The following CABLES1 variants were observed in gnomAD, a reference collection of about 807,000 sequenced individuals.
CABLES1 encodes the protein CDK5 and ABL1 enzyme substrate 1.
In CABLES1, 36 loss-of-function variants were observed where a neutral mutation model predicts 57.8. That is an observed-to-expected ratio of 0.62 (90% CI 0.48 to 0.82). CABLES1 has a LOEUF of 0.82. Among genes scored for constraint, CABLES1 ranks in the 40% least tolerant of loss-of-function variants. The pLI, the probability that CABLES1 is intolerant of heterozygous loss-of-function variation, is 0.00. For missense variants in CABLES1, 767 were observed against 836.6 expected, an observed-to-expected ratio of 0.92 and a Z score of 1.03; for synonymous variants, 374 against 363.0, an observed-to-expected ratio of 1.03 and a Z score of -0.35.
chr18:23,243,468 GT>G (rs551293348), intron 7 of CABLES1, among the ~76,000 whole-genome samples: 4,952 of 101,894 alleles, frequency 0.049, 76 homozygotes, highest in East Asian at 0.13. Context: ...TGGGTTTGGT[GT>G]TTTTTTTTTT....
chr18:23,216,198 G>T (rs2047440823), intron 4 of CABLES1, among the ~76,000 whole-genome samples: 1 of 152,150 alleles, frequency 6.6e-6, no homozygotes, highest in South Asian at 2.1e-4. Flanking sequence ...CCAAGGTCTG[G>T]GGTAGGGTAG....
At chr18:23,185,060 C>T (rs931287119) in intron 1 of CABLES1, among the ~76,000 whole-genome samples, 1 of 152,194 alleles carries the variant, frequency 6.6e-6, no homozygotes, top group Admixed American at 6.5e-5. Flanking sequence ...TGTTCAGCTC[C>T]TGAGGGGAAT....
At chr18:23,209,587 G>A (rs2047388957) in intron 3 of CABLES1, among the ~76,000 whole-genome samples, 1 of 152,142 alleles carries the variant, frequency 6.6e-6, no homozygotes, top group African/African-American at 2.4e-5. Flanking sequence ...TATTCACCCC[G>A]CCGTTACTGC....
chr18:23,230,367 A>G (rs1019825630), intron 4 of CABLES1, among the ~76,000 whole-genome samples: 2 of 152,220 alleles, frequency 1.3e-5, no homozygotes, highest in African/African-American at 2.4e-5. Context: ...GCAAGACTCC[A>G]TCTCAAAACA....
At chr18:23,143,343 G>A (rs2046869238) in intron 1 of CABLES1, among the ~76,000 whole-genome samples, 1 of 152,114 alleles carries the variant, frequency 6.6e-6, no homozygotes, top group Non-Finnish European at 1.5e-5. Context: ...TGACTCACCT[G>A]GTACATTACA....
chr18:23,234,118 T>C (rs1156736932), intron 4 of CABLES1, among the ~76,000 whole-genome samples: 1 of 152,148 alleles, frequency 6.6e-6, no homozygotes, highest in Non-Finnish European at 1.5e-5. Flanking sequence ...CTCAGGAGGC[T>C]GAGGCAGAAG....
chr18:23,240,037 G>A (rs535735178), intron 7 of CABLES1, among the ~76,000 whole-genome samples: 18 of 152,320 alleles, frequency 1.2e-4, no homozygotes, highest in East Asian at 1.2e-3. Context: ...AGAATTGCTT[G>A]AACCCAGGAG....
chr18:23,221,267 CAG>C (rs746304870), intron 4 of CABLES1, among the ~76,000 whole-genome samples: 20 of 152,354 alleles, frequency 1.3e-4, no homozygotes, highest in Non-Finnish European at 2.4e-4. Context: ...GTTTGATTTA[CAG>C]AGTTTGCTTG....
At chr18:23,205,181 C>CA (rs2047353989) in intron 3 of CABLES1, among the ~76,000 whole-genome samples, 1 of 81,188 alleles carries the variant, frequency 1.2e-5, no homozygotes, top group African/African-American at 5.1e-5. Context: ...TCATTCCTGA[C>CA]TTTTTTTTTT....
intron 7 of CABLES1, among the ~76,000 whole-genome samples, chr18:23,245,444 G>A (rs1228014674): frequency 6.6e-6 from 1 of 150,574 alleles, no homozygotes; most frequent in Non-Finnish European, 1.5e-5. Flanking sequence ...CCGGGAGGCG[G>A]AAGTTGCAGT....
Position 23,135,876 on chromosome 18 carries a change from G to C in CABLES1, c.114G>C (p.Gln38His). The C allele has an allele frequency of 9.6e-7, 1 of 1,041,894 alleles. No individual in the cohort carries two copies. The highest frequency in any genetic ancestry group is 1.1e-6 in the Non-Finnish European group (1 of 870,346). 64.5% of individuals were successfully genotyped at this position (1,041,894 alleles called of 1,614,324 possible). A position where few individuals can be genotyped will look rare whatever the true frequency, so the allele number is the denominator to read the frequency against. ...LQQPPPQPQP[Q>H]PAAAAPAQPP... ...AGCCGCCGCCGCAGCCCCAGCCTCA[G>C]CCCGCGGCCGCCGCGCCGGCCCAGC... Residue 38 changes from glutamine to histidine, a missense_variant, in exon 1 of 10, where the codon CAG becomes CAC. Gln to His is a conservative substitution (Grantham distance 24). Around this residue, in one of 4 missense-constraint regions of CABLES1, gnomAD observed 198 missense variants for 149.7 expected, o/e 1.32. Transcript: ENST00000256925.
intron 1 of CABLES1, among the ~76,000 whole-genome samples, chr18:23,142,931 G>A (rs2046866822): frequency 6.6e-6 from 1 of 152,134 alleles, no homozygotes; most frequent in Non-Finnish European, 1.5e-5. Context: ...ATGGGACTGA[G>A]TTCATACCTA....
At chr18:23,169,756 A>C (rs953619883) in intron 1 of CABLES1, among the ~76,000 whole-genome samples, 5 of 152,228 alleles carry the variant, frequency 3.3e-5, no homozygotes, top group Admixed American at 1.3e-4. Flanking sequence ...CCTTTGAAAC[A>C]AGCTTCTGGA....
chr18:23,203,654 T>G (rs1598827890), intron 3 of CABLES1, among the ~76,000 whole-genome samples: 2 of 152,268 alleles, frequency 1.3e-5, no homozygotes, highest in East Asian at 3.9e-4. Flanking sequence ...AGTTCCAAGC[T>G]GTCGGCCTAA....
rs759407060 is a variant in CABLES1 at position 23,136,411 on chromosome 18, G to T, written c.649G>T (p.Val217Leu). 3 of 1,598,390 alleles carry T rather than the reference G, an allele frequency of 1.9e-6. No homozygotes were observed. The highest frequency in any genetic ancestry group is 2.2e-5 in the South Asian group (2 of 88,964). Residue 217 changes from valine to leucine, a missense_variant, in exon 1 of 10, where the codon GTG (valine) becomes TTG (leucine). Val to Leu is a conservative substitution (Grantham distance 32, BLOSUM62 1). Around this residue, in one of 4 missense-constraint regions of CABLES1, gnomAD observed 529 missense variants for 622.8 expected, o/e 0.85. Coordinates refer to ENST00000256925, the MANE Select transcript of CABLES1 (RefSeq NM_001100619.3). ...ELEEDDAFIS[V>L]QVPAAAFLGS... ...GGAGGAGGACGATGCCTTTATCAGC[G>T]TGCAGGTGCCGGCGGCCGCCTTTTT... is the stretch of plus-strand genomic sequence containing the variant.
intron 8 of CABLES1, among the ~76,000 whole-genome samples, chr18:23,253,441 C>T (rs570433167): frequency 3.3e-4 from 51 of 152,324 alleles, no homozygotes; most frequent in Non-Finnish European, 5.4e-4. Flanking sequence ...CAAGATCGTG[C>T]CACTGCACTC....
chr18:23,176,664 A>G (rs1234324721), intron 1 of CABLES1, among the ~76,000 whole-genome samples: 1 of 152,058 alleles, frequency 6.6e-6, no homozygotes, highest in Non-Finnish European at 1.5e-5. Context: ...TAGACAAGGA[A>G]GAGGCATCAG....
rs2047445422 is a variant in CABLES1, at chr18:23,216,777, C to T, written c.1088+2723C>T. Among the ~76,000 whole-genome samples, 3 of 152,166 alleles carry T rather than the reference C, an allele frequency of 2.0e-5. 1 individual carries two copies. The South Asian group carries it at 6.2e-4, about 32-fold the overall frequency. Reference sequence around the variant, plus strand: ...GGACATCCTTGTGGATATGCGTGGCCCTCCACTCTTCAACATCTCAGGGAA... The same window carrying T: ...GGACATCCTTGTGGATATGCGTGGCTCTCCACTCTTCAACATCTCAGGGAA... On this transcript the variant is annotated intron_variant, in intron 4 of 9. Coordinates refer to ENST00000256925, the MANE Select transcript of CABLES1 (RefSeq NM_001100619.3).
In CABLES1 at chr18:23,260,469, T is replaced by G. The variant is rs952061061; in HGVS notation, c.*3102T>G. 1 of 152,338 alleles carries G rather than the reference T, an allele frequency of 6.6e-6. No individual in the cohort carries two copies. The highest frequency in any genetic ancestry group is 2.4e-5 in the African/African-American group (1 of 41,458). 9.4% of individuals were successfully genotyped at this position (152,338 alleles called of 1,614,324 possible). On this transcript the variant is annotated 3_prime_UTR_variant, in exon 10 of 10. Coordinates refer to ENST00000256925, the MANE Select transcript of CABLES1 (RefSeq NM_001100619.3). ...CAGCAAATAAAACTGTTGAATGCTC[T>G]GGCTGCTGAGTTCTTTATCTCTCAC...
Sources: gnomAD v4.1 joint callset for allele counts (sites outside exome capture counted in the v4.1 genomes callset) on GRCh38, gnomAD v4.1.1 for gene constraint, gnomAD v4.1.1 regional missense constraint, MANE v1.5 for transcripts, NCBI Gene and HGNC (gene_info 2026-07-23, HGNC 2026-07-21) for gene names.